Variants in JMJD1C observed in about 807,000 individuals in gnomAD.
JMJD1C encodes jumonji domain-containing protein 1C.
Under a neutral mutation model 245.3 loss-of-function variants are expected in JMJD1C, and 31 were observed. That is an observed-to-expected ratio of 0.13 (90% CI 0.09 to 0.17). The LOEUF (loss-of-function observed/expected upper bound fraction) is 0.17. JMJD1C is among the 10% of genes least tolerant of loss of function. The probability of loss-of-function intolerance (pLI) is 1.00; values close to 1 mark genes in which losing one functional copy is unlikely to be tolerated. For synonymous variants in JMJD1C, 1,057 were observed against 1,017.4 expected, an observed-to-expected ratio of 1.04 and a Z score of -0.74; for missense variants, 2,691 against 3,000.2, an observed-to-expected ratio of 0.90 and a Z score of 2.41.
At chr10:63,247,569 T>C (rs1021035278) in intron 3 of JMJD1C, among the ~76,000 whole-genome samples, 1 of 151,796 alleles carries the variant, frequency 6.6e-6, no homozygotes, top group African/African-American at 2.4e-5. Context: ...GGTGAAACCC[T>C]GCCTCTACAA....
chr10:63,233,684 T>A (rs912793167), intron 3 of JMJD1C, among the ~76,000 whole-genome samples: 1 of 151,042 alleles, frequency 6.6e-6, no homozygotes. Flanking sequence ...CTTTTCCAAC[T>A]AGAAAGATTT....
chr10:63,485,007 A>T (rs921855312), intron 1 of JMJD1C, among the ~76,000 whole-genome samples: 5 of 147,834 alleles, frequency 3.4e-5, no homozygotes, highest in Non-Finnish European at 6.0e-5. Flanking sequence ...TTATGGGTTT[A>T]AAAAAAAAAG....
chr10:63,464,827 G>A (rs1953078876), intron 1 of JMJD1C, among the ~76,000 whole-genome samples: 1 of 152,010 alleles, frequency 6.6e-6, no homozygotes, highest in South Asian at 2.1e-4. Context: ...TTTCTAACAA[G>A]AAAAGCACAT....
chr10:63,244,709 T>C (rs1057185252), intron 3 of JMJD1C, among the ~76,000 whole-genome samples: 2 of 150,140 alleles, frequency 1.3e-5, no homozygotes, highest in Non-Finnish European at 2.9e-5. Context: ...GGGGTGGTGG[T>C]GCGCACCTAT....
intron 2 of JMJD1C, among the ~76,000 whole-genome samples, chr10:63,378,097 T>C (rs963507233): frequency 3.0e-4 from 45 of 151,874 alleles, no homozygotes; most frequent in Admixed American, 1.8e-3. Context: ...TTTTCTTTTG[T>C]ATATGATAAA....
intron 8 of JMJD1C, among the ~76,000 whole-genome samples, chr10:63,213,184 C>CAAAAA (rs1353771228): frequency 1.8e-5 from 1 of 55,950 alleles, no homozygotes; most frequent in East Asian, 4.8e-4. Flanking sequence ...GACTCCATCT[C>CAAAAA]AAAAAAAAAA....
intron 2 of JMJD1C, among the ~76,000 whole-genome samples, chr10:63,330,470 A>G (rs1393511975): frequency 1.3e-5 from 2 of 152,184 alleles, no homozygotes; most frequent in Non-Finnish European, 2.9e-5. Flanking sequence ...TTATATATTC[A>G]TGATTTTAAA....
chr10:63,269,249 A>C lies in JMJD1C; in HGVS notation c.334-4485T>G, dbSNP rs574639960. 49 of 978,338 alleles carry C rather than the reference A, an allele frequency of 5.0e-5. No homozygotes were observed. The African/African-American group carries it at 8.2e-4, about 16-fold the overall frequency. The allele number at this position is 978,338 out of a possible 1,614,324, so 60.6% of individuals were successfully genotyped here. A position where few individuals can be genotyped will look rare whatever the true frequency, so the allele number is the denominator to read the frequency against. On this transcript the variant is annotated intron_variant, in intron 2 of 25. Transcript: ENST00000399262. ...TACTTGGCTTAGGGCACACTGAGAG[A>C]AGGGAAGAGGCGGTGCTCTGTAAAC...
At chr10:63,334,905 A>G (rs1942543027) in intron 2 of JMJD1C, among the ~76,000 whole-genome samples, 1 of 151,494 alleles carries the variant, frequency 6.6e-6, no homozygotes, top group Non-Finnish European at 1.5e-5. Flanking sequence ...ACAGGGTTTC[A>G]CCATGTTGGC....
chr10:63,326,496 T>C (rs1212340075), intron 2 of JMJD1C, among the ~76,000 whole-genome samples: 1 of 152,160 alleles, frequency 6.6e-6, no homozygotes, highest in Non-Finnish European at 1.5e-5. Flanking sequence ...ATACTGCCTA[T>C]AAAGCCTAAC....
intron 1 of JMJD1C, among the ~76,000 whole-genome samples, chr10:63,426,092 T>C (rs1180155973): frequency 6.6e-6 from 1 of 152,160 alleles, no homozygotes; most frequent in Non-Finnish European, 1.5e-5. Flanking sequence ...TAAGAATTTC[T>C]TGCCAGGCCT....
At chr10:63,335,873 C>T (rs767743118) in intron 2 of JMJD1C, among the ~76,000 whole-genome samples, 7 of 151,520 alleles carry the variant, frequency 4.6e-5, no homozygotes, top group Non-Finnish European at 1.0e-4. Flanking sequence ...GTAATCCCAG[C>T]ACTTTGGGAG....
chr10:63,214,777 A>T lies in JMJD1C; in HGVS notation c.1390T>A (p.Ser464Thr), dbSNP rs10761725. 0.74 allele frequency: 1,188,204 copies of T among 1,613,064 alleles called. 449,885 individuals carry two copies. Among genetic ancestry groups the T allele is most frequent in the Non-Finnish European group, 0.78 (923,645 of 1,179,464 alleles). The change falls in exon 8 of 26, where the codon TCG (serine) becomes ACG (threonine). Residue 464 changes from serine to threonine, a missense_variant. Coordinates refer to ENST00000399262, the MANE Select transcript of JMJD1C (RefSeq NM_032776.3). ...TQLQEDMIIHSSEQSTVSDHN... is the reference protein window; with the variant it reads ...TQLQEDMIIHTSEQSTVSDHN... The stretch of plus-strand genomic sequence containing the variant: ...TCAGAAACTGTGGACTGTTCTGACG[A>T]ATGAATAATCATATCTTCTTGAAGC...
chr10:63,295,625 A>T (rs1341708088), intron 2 of JMJD1C, among the ~76,000 whole-genome samples: 2 of 152,172 alleles, frequency 1.3e-5, no homozygotes, highest in African/African-American at 4.8e-5. Flanking sequence ...AGAAAAAGGT[A>T]CAATTTATTT....
chr10:63,328,257 T>C (rs950678664), intron 2 of JMJD1C, among the ~76,000 whole-genome samples: 5 of 147,906 alleles, frequency 3.4e-5, no homozygotes, highest in Non-Finnish European at 7.5e-5. Context: ...CCTGAGCAAC[T>C]AAAGCAAAAC....
At chr10:63,516,885 ATC>A (rs1955033016) in intron 1 of JMJD1C, among the ~76,000 whole-genome samples, 1 of 152,142 alleles carries the variant, frequency 6.6e-6, no homozygotes, top group African/African-American at 2.4e-5. Context: ...TTATCATTCA[ATC>A]TCTGAAGCCA....
chr10:63,253,083 T>G (rs1853329760), intron 3 of JMJD1C, among the ~76,000 whole-genome samples: 1 of 152,200 alleles, frequency 6.6e-6, no homozygotes, highest in African/African-American at 2.4e-5. Flanking sequence ...CAAAACAGAA[T>G]AGTACACTTT....
intron 10 of JMJD1C, chr10:63,203,489 AT>A (rs1554835069): frequency 1.0e-6 from 1 of 984,156 alleles, no homozygotes; most frequent in African/African-American, 1.7e-5. Context: ...CTTAAAAAAT[AT>A]TTTTTTGGAG....
intron 1 of JMJD1C, among the ~76,000 whole-genome samples, chr10:63,515,139 G>A (rs771150526): frequency 2.0e-4 from 31 of 152,122 alleles, no homozygotes; most frequent in Non-Finnish European, 3.4e-4. Context: ...GGTGGCTGGA[G>A]AGGGCTGAAG....
Sources: gnomAD v4.1 joint callset for allele counts (sites outside exome capture counted in the v4.1 genomes callset) on GRCh38, gnomAD v4.1.1 for gene constraint, MANE v1.5 for transcripts, NCBI Gene and HGNC (gene_info 2026-07-23, HGNC 2026-07-21) for gene names.